ZNF804B: variants seen among roughly 807,000 people sequenced by gnomAD.
ZNF804B encodes the protein zinc finger 804B.
In ZNF804B, 80 loss-of-function variants were observed where a neutral mutation model predicts 101.4. The observed-to-expected ratio is 0.79, with a 90% CI of 0.66 to 0.95. The LOEUF is 0.95. Ranked by LOEUF, ZNF804B falls within the 40% of genes least tolerant of loss-of-function variation. The pLI is 0.00. For missense variants in ZNF804B, 1,673 were observed against 1,561.9 expected, an observed-to-expected ratio of 1.07 and a Z score of -1.20; for synonymous variants, 622 against 558.8, an observed-to-expected ratio of 1.11 and a Z score of -1.59.
In ZNF804B at chr7:89,212,369, G is replaced by A. The variant is rs1211308344; in HGVS notation, c.109-5786G>A. Among the ~76,000 whole-genome samples the A allele has an allele frequency of 2.0e-5, 3 of 152,136 alleles. No homozygotes were observed. In the East Asian group the frequency reaches 5.8e-4, roughly 29 times the overall value. On this transcript the variant is annotated intron_variant, in intron 1 of 3. Transcript: ENST00000333190. The stretch of plus-strand genomic sequence containing the variant: ...TTTTCTTCTTCTCAAGCGTTCTGCT[G>A]TGACTTCCTGTAACAAAAGACAAAT...
At chr7:88,863,059 T>G (rs1179463338) in intron 1 of ZNF804B, among the ~76,000 whole-genome samples, 2 of 152,152 alleles carry the variant, frequency 1.3e-5, no homozygotes, top group Admixed American at 1.3e-4. Context: ...CCTGCAGTGG[T>G]CTAATCCACG....
intron 2 of ZNF804B, among the ~76,000 whole-genome samples, chr7:89,259,590 G>C (rs918287154): frequency 2.6e-5 from 4 of 152,090 alleles, no homozygotes; most frequent in African/African-American, 9.7e-5. Context: ...CATGTGTAAT[G>C]AGCCTTAAGC....
chr7:89,246,300 A>G (rs1241654793), intron 2 of ZNF804B, among the ~76,000 whole-genome samples: 1 of 152,210 alleles, frequency 6.6e-6, no homozygotes, highest in East Asian at 1.9e-4. Context: ...TCAACCTGGA[A>G]CTGTCATTTT....
At chr7:89,300,039 G>A (rs1790450663) in intron 2 of ZNF804B, among the ~76,000 whole-genome samples, 1 of 151,404 alleles carries the variant, frequency 6.6e-6, no homozygotes. Flanking sequence ...TTTTAGATCA[G>A]CACATCACCA....
At chr7:88,963,668 G>C (rs1436041900) in intron 1 of ZNF804B, among the ~76,000 whole-genome samples, 1 of 151,206 alleles carries the variant, frequency 6.6e-6, no homozygotes, top group East Asian at 2.0e-4. Context: ...GAAAAAGAAT[G>C]ATAAGTTGTA....
intron 1 of ZNF804B, among the ~76,000 whole-genome samples, chr7:89,158,971 G>A (rs1791018210): frequency 6.6e-6 from 1 of 152,018 alleles, no homozygotes; most frequent in Non-Finnish European, 1.5e-5. Flanking sequence ...CCCAAACTTG[G>A]TAATTCCCAG....
chr7:89,288,640 C>T (rs954849813), intron 2 of ZNF804B, among the ~76,000 whole-genome samples: 2 of 152,122 alleles, frequency 1.3e-5, no homozygotes, highest in African/African-American at 4.8e-5. Context: ...TAATTTGACA[C>T]TCAGATGAAT....
chr7:88,836,341 T>C (rs927517367), intron 1 of ZNF804B, among the ~76,000 whole-genome samples: 1 of 151,864 alleles, frequency 6.6e-6, no homozygotes, highest in South Asian at 2.1e-4. Context: ...TGAGGTAGCA[T>C]TGATCATTTC....
chr7:88,824,132 A>T (rs1031186087), intron 1 of ZNF804B, among the ~76,000 whole-genome samples: 1 of 152,200 alleles, frequency 6.6e-6, no homozygotes, highest in Admixed American at 6.5e-5. Context: ...TTCTGAGAGC[A>T]TTAGAAAAGA....
chr7:89,183,440 A>ATGG (rs2115589642), intron 1 of ZNF804B, among the ~76,000 whole-genome samples: 1 of 152,322 alleles, frequency 6.6e-6, no homozygotes, highest in Admixed American at 6.5e-5. Flanking sequence ...TGGTCTGTTC[A>ATGG]TCTATGCAGG....
At chr7:89,094,119 T>C (rs1436985072) in intron 1 of ZNF804B, among the ~76,000 whole-genome samples, 1 of 152,200 alleles carries the variant, frequency 6.6e-6, no homozygotes, top group Non-Finnish European at 1.5e-5. Context: ...AAAATGAAGA[T>C]GCGGCTAATA....
intron 1 of ZNF804B, among the ~76,000 whole-genome samples, chr7:89,090,735 C>T (rs114077477): frequency 2.9e-3 from 445 of 152,068 alleles, no homozygotes; most frequent in Middle Eastern, 0.01. Flanking sequence ...TTCCTTTTCC[C>T]CTTCAAAAAA....
intron 1 of ZNF804B, among the ~76,000 whole-genome samples, chr7:89,163,062 C>G (rs1206774800): frequency 6.6e-6 from 1 of 151,918 alleles, no homozygotes; most frequent in East Asian, 1.9e-4. Context: ...TTTTCTTAAT[C>G]CAGAACTTTT....
At chr7:89,143,651 A>G (rs1349749805) in intron 1 of ZNF804B, among the ~76,000 whole-genome samples, 1 of 151,986 alleles carries the variant, frequency 6.6e-6, no homozygotes, top group East Asian at 1.9e-4. Context: ...AATCTTCACC[A>G]TAAATTTGAT....
chr7:89,067,957 T>C (rs1262921267), intron 1 of ZNF804B, among the ~76,000 whole-genome samples: 1 of 151,226 alleles, frequency 6.6e-6, no homozygotes, highest in Non-Finnish European at 1.5e-5. Flanking sequence ...TACAGGTGCC[T>C]GCCACCACGC....
rs1789816970 is a variant in ZNF804B, at chr7:89,087,126, A to AC, written c.109-131027dup. On this transcript the variant is annotated intron_variant, in intron 1 of 3. Transcript: ENST00000333190. Reference sequence around the variant, plus strand: ...GTGCACTCATTGGTTTTTAAGATGTACCAGTGAAGTGGTAAGTCAAAATTG... The same window carrying AC: ...GTGCACTCATTGGTTTTTAAGATGTACCCAGTGAAGTGGTAAGTCAAAATTG... Among the ~76,000 whole-genome samples, 2 of 151,826 alleles carry AC rather than the reference A, an allele frequency of 1.3e-5. 1 individual carries two copies. The highest frequency in any genetic ancestry group is 4.1e-4 in the South Asian group (2 of 4,830).
chr7:89,133,303 A>G (rs1173452941), intron 1 of ZNF804B, among the ~76,000 whole-genome samples: 1 of 152,048 alleles, frequency 6.6e-6, no homozygotes, highest in Non-Finnish European at 1.5e-5. Context: ...ACACTATTTT[A>G]GTCTGGGCCC....
At chr7:89,209,599 C>A (rs1008105469) in intron 1 of ZNF804B, among the ~76,000 whole-genome samples, 76 of 152,268 alleles carry the variant, frequency 5.0e-4, no homozygotes, top group African/African-American at 1.7e-3. Context: ...AAAGATTGTT[C>A]TAAAAGTCTA....
chr7:88,919,507 C>G (rs1792688503), intron 1 of ZNF804B, among the ~76,000 whole-genome samples: 1 of 152,082 alleles, frequency 6.6e-6, no homozygotes, highest in African/African-American at 2.4e-5. Flanking sequence ...CTAGAGGAAG[C>G]ACTCTCTATT....
Sources: allele counts gnomAD v4.1 joint callset (sites outside exome capture counted in the v4.1 genomes callset), GRCh38; gene constraint gnomAD v4.1.1; transcripts MANE v1.5; gene names NCBI Gene and HGNC (gene_info 2026-07-23, HGNC 2026-07-21).